Variants in MPHOSPH9 observed in about 807,000 individuals in gnomAD.
The protein encoded by MPHOSPH9 is M-phase phosphoprotein 9.
In MPHOSPH9, 88 loss-of-function variants were observed where a neutral mutation model predicts 145.5. That is an observed-to-expected ratio of 0.60 (90% CI 0.51 to 0.72). MPHOSPH9 has a LOEUF of 0.72. MPHOSPH9 is among the 30% of genes least tolerant of loss of function. The pLI is 0.00. For missense variants in MPHOSPH9, 1,238 were observed against 1,386.6 expected, an observed-to-expected ratio of 0.89 and a Z score of 1.70; for synonymous variants, 435 against 486.2, an observed-to-expected ratio of 0.89 and a Z score of 1.39.
At chr12:123,237,016 C>T (rs915295554), upstream of MPHOSPH9, among the ~76,000 whole-genome samples, 6 of 151,838 alleles carry the variant, frequency 4.0e-5, no homozygotes, top group African/African-American at 1.5e-4. Flanking sequence ...ATCTGGAAGG[C>T]GGAGGTTGCA....
At chr12:123,232,057 C>T (rs1230184343) in intron 1 of MPHOSPH9, among the ~76,000 whole-genome samples, 1 of 151,364 alleles carries the variant, frequency 6.6e-6, no homozygotes, top group Admixed American at 6.6e-5. Context: ...ACTAAATGGA[C>T]TTTTCCCCAG....
At chr12:123,198,743 G>A (rs1219767385) in intron 11 of MPHOSPH9, among the ~76,000 whole-genome samples, 1 of 142,230 alleles carries the variant, frequency 7.0e-6, no homozygotes, top group African/African-American at 2.6e-5. Context: ...CTGGGAGGCT[G>A]AGGTTGCAGC....
At chr12:123,201,014 G>A (rs2046199569) in intron 11 of MPHOSPH9, among the ~76,000 whole-genome samples, 1 of 151,982 alleles carries the variant, frequency 6.6e-6, no homozygotes, top group Non-Finnish European at 1.5e-5. Context: ...CCCATAACCT[G>A]CTATCTACTG....
intron 1 of MPHOSPH9, among the ~76,000 whole-genome samples, chr12:123,241,770 C>G (rs544835150): frequency 6.6e-6 from 1 of 152,312 alleles, no homozygotes; most frequent in South Asian, 2.1e-4. Context: ...TTGCTCCGGC[C>G]ACAGGCCTTG....
chr12:123,200,740 C>T (rs2046186241), intron 11 of MPHOSPH9, among the ~76,000 whole-genome samples: 1 of 151,004 alleles, frequency 6.6e-6, no homozygotes, highest in South Asian at 2.1e-4. Flanking sequence ...CTCACTGTAA[C>T]CTCTGCCTCT....
At chr12:123,243,411 T>C (rs940554078) in intron 1 of MPHOSPH9, among the ~76,000 whole-genome samples, 1 of 152,004 alleles carries the variant, frequency 6.6e-6, no homozygotes, top group Non-Finnish European at 1.5e-5. Flanking sequence ...ATGCCTGTAG[T>C]CCCAGCTACT....
At chr12:123,169,762 A>G (rs973808322) in intron 16 of MPHOSPH9, among the ~76,000 whole-genome samples, 8 of 151,302 alleles carry the variant, frequency 5.3e-5, no homozygotes, top group African/African-American at 1.9e-4. Context: ...CACTGTGCCC[A>G]GCTAATTTTT....
At chr12:123,214,125 G>A (rs2046862003) in intron 7 of MPHOSPH9, among the ~76,000 whole-genome samples, 1 of 152,158 alleles carries the variant, frequency 6.6e-6, no homozygotes, top group Non-Finnish European at 1.5e-5. Flanking sequence ...GGCTCAGAGG[G>A]TTTGAATTTA....
chr12:123,228,786 A>T (rs1361954175), intron 2 of MPHOSPH9, among the ~76,000 whole-genome samples: 1 of 152,232 alleles, frequency 6.6e-6, no homozygotes, highest in Non-Finnish European at 1.5e-5. Flanking sequence ...GCCAGTCACA[A>T]TGAAAAGGAA....
chr12:123,235,466 G>A (rs994630349), upstream of MPHOSPH9, among the ~76,000 whole-genome samples: 2 of 151,934 alleles, frequency 1.3e-5, no homozygotes, highest in African/African-American at 4.8e-5. Context: ...CCAGGTTCAC[G>A]CCATTCTCCT....
Position 123,155,269 on chromosome 12 carries a change from T to G in MPHOSPH9, c.*1538A>C, listed in dbSNP as rs1477648759. The G allele has an allele frequency of 6.6e-6, 1 of 152,182 alleles. No homozygotes were observed. The highest frequency in any genetic ancestry group is 1.9e-4 in the East Asian group (1 of 5,196). The allele number at this position is 152,182 out of a possible 1,614,324, so 9.4% of individuals were successfully genotyped here. A position where few individuals can be genotyped will look rare whatever the true frequency, so the allele number is the denominator to read the frequency against. ...GAATAAAGGCACTTGATTCTAATTA[T>G]AAGTAATTTTGATTAGCCTGAAGTC... On this transcript the variant is annotated 3_prime_UTR_variant, in exon 24 of 24. Transcript: ENST00000606320.
chr12:123,171,204 A>G (rs2044563293), intron 16 of MPHOSPH9, among the ~76,000 whole-genome samples: 1 of 152,248 alleles, frequency 6.6e-6, no homozygotes, highest in South Asian at 2.1e-4. Flanking sequence ...CTGTAATCCC[A>G]GCACTTTGGG....
At chr12:123,243,726 TAGC>T (rs2047987802) in intron 1 of MPHOSPH9, 1 of 151,894 alleles carries the variant, frequency 6.6e-6, no homozygotes, top group African/African-American at 2.4e-5. Context: ...AAAAAAGAAA[TAGC>T]AGAAGTAGAG....
chr12:123,199,491 T>A (rs1279920720), intron 11 of MPHOSPH9, among the ~76,000 whole-genome samples: 2 of 152,116 alleles, frequency 1.3e-5, no homozygotes. Flanking sequence ...AAGACTATCA[T>A]TGGTCCCAGC....
At chr12:123,239,503 A>G (rs1449155011) in intron 1 of MPHOSPH9, among the ~76,000 whole-genome samples, 1 of 152,088 alleles carries the variant, frequency 6.6e-6, no homozygotes, top group African/African-American at 2.4e-5. Flanking sequence ...CCCAGGTTCA[A>G]GCGATTCTCC....
intron 13 of MPHOSPH9, among the ~76,000 whole-genome samples, chr12:123,193,913 A>G (rs2045821351): frequency 6.6e-6 from 1 of 152,110 alleles, no homozygotes; most frequent in Non-Finnish European, 1.5e-5. Context: ...CGTGCTGCAA[A>G]GCAAGACCCA....
chr12:123,241,431 G>A (rs930092385), intron 1 of MPHOSPH9, among the ~76,000 whole-genome samples: 7 of 152,040 alleles, frequency 4.6e-5, no homozygotes, highest in Admixed American at 2.0e-4. Context: ...TCTGCCTCCC[G>A]GGTTCAAGCA....
upstream of MPHOSPH9, among the ~76,000 whole-genome samples, chr12:123,235,633 C>T (rs367763042): frequency 2.6e-5 from 4 of 151,360 alleles, no homozygotes; most frequent in South Asian, 2.1e-4. Context: ...CGGCCTCCCA[C>T]GGTGCTGGGA....
At chr12:123,163,902 C>T (rs200302421) in intron 19 of MPHOSPH9, 48 bp downstream of exon 19, 186 of 1,608,308 alleles carry the variant, frequency 1.2e-4, no homozygotes, top group Non-Finnish European at 1.5e-4. Context: ...AGATTTGACT[C>T]AGAGATCACG....
Sources: allele counts gnomAD v4.1 joint callset (sites outside exome capture counted in the v4.1 genomes callset), GRCh38; gene constraint gnomAD v4.1.1; transcripts MANE v1.5; gene names NCBI Gene and HGNC (gene_info 2026-07-23, HGNC 2026-07-21).